The following AK3 variants were observed in gnomAD, a reference collection of about 807,000 sequenced individuals.
AK3 encodes GTP:AMP phosphotransferase AK3, mitochondrial.
Under a neutral mutation model 23.7 loss-of-function variants are expected in AK3, and 27 were observed. The ratio of observed to expected loss-of-function variants is 1.14; its 90% CI spans 0.84 to 1.57. The LOEUF (loss-of-function observed/expected upper bound fraction) is 1.57, where lower values mean the gene tolerates loss of function less well. Ranked by LOEUF, AK3 falls within the 40% of genes most tolerant of loss-of-function variation. AK3 has a pLI of 0.00. For missense variants in AK3, 406 were observed against 285.6 expected (o/e 1.42, Z -3.04); for synonymous variants, 159 against 116.0 (o/e 1.37, Z -2.38).
chr9:4,713,830 C>A (rs905080711), intron 4 of AK3, among the ~76,000 whole-genome samples: 2 of 115,380 alleles, frequency 1.7e-5, no homozygotes, highest in East Asian at 5.1e-4. Flanking sequence ...GCTTTTCAAG[C>A]CACACAGATT....
chr9:4,732,150 C>T (rs10117047), intron 1 of AK3, among the ~76,000 whole-genome samples: 6,228 of 152,136 alleles, frequency 0.041, 419 homozygotes, highest in African/African-American at 0.14. Flanking sequence ...GGGAGTCTTG[C>T]TTTGCCCAAG....
At chr9:4,716,003 G>A (rs1016740900) in intron 4 of AK3, among the ~76,000 whole-genome samples, 6 of 152,128 alleles carry the variant, frequency 3.9e-5, no homozygotes, top group Admixed American at 6.6e-5. Context: ...CTGGTAGGAG[G>A]TAAACTGGAA....
chr9:4,730,662 A>C (rs900046876), intron 1 of AK3, among the ~76,000 whole-genome samples: 4 of 152,208 alleles, frequency 2.6e-5, no homozygotes, highest in African/African-American at 9.6e-5. Flanking sequence ...ATATAGATAG[A>C]TAATCCTATG....
At chr9:4,730,991 A>G (rs139085551) in intron 1 of AK3, among the ~76,000 whole-genome samples, 170 of 152,306 alleles carry the variant, frequency 1.1e-3, no homozygotes, top group African/African-American at 3.9e-3. Flanking sequence ...TACCAGATCT[A>G]CACCTCTTTT....
At chr9:4,730,558 G>A (rs548328979) in intron 1 of AK3, among the ~76,000 whole-genome samples, 6 of 152,252 alleles carry the variant, frequency 3.9e-5, no homozygotes, top group African/African-American at 9.6e-5. Flanking sequence ...AGCCATGACC[G>A]CACTACTGCA....
Position 4,712,820 on chromosome 9 carries a change from G to A in AK3, c.*156C>T. On this transcript the variant is annotated 3_prime_UTR_variant, in exon 5 of 5. Coordinates refer to ENST00000381809, the MANE Select transcript of AK3 (RefSeq NM_016282.4). The stretch of plus-strand genomic sequence containing the variant: ...TGCATCTTAGTATCCGAATCATTTG[G>A]CACATCCTTAGTATCCAAAATAAAA... 3.9e-6 allele frequency: 3 copies of A among 762,096 alleles called. No homozygotes were observed. The highest frequency in any genetic ancestry group is 5.9e-6 in the Non-Finnish European group (3 of 512,670). 47.2% of individuals were successfully genotyped at this position (762,096 alleles called of 1,614,324 possible).
intron 1 of AK3, among the ~76,000 whole-genome samples, chr9:4,723,301 T>C (rs1373434929): frequency 2.0e-5 from 3 of 152,230 alleles, no homozygotes; most frequent in Non-Finnish European, 2.9e-5. Flanking sequence ...ATTATTTTCT[T>C]TAAAAATAAG....
chr9:4,728,856 T>TACACACAC (rs1236773024), intron 1 of AK3, among the ~76,000 whole-genome samples: 5,565 of 59,876 alleles, frequency 0.093, 161 homozygotes, highest in Middle Eastern at 0.17. Flanking sequence ...TATATATATA[T>TACACACAC]ATATATATAT....
intron 1 of AK3, among the ~76,000 whole-genome samples, chr9:4,723,797 G>C (rs902202962): frequency 2.0e-5 from 3 of 152,146 alleles, no homozygotes; most frequent in South Asian, 2.1e-4. Flanking sequence ...GTGTAAATTA[G>C]TCTTGATTTT....
intron 1 of AK3, among the ~76,000 whole-genome samples, chr9:4,724,572 G>A (rs760407401): frequency 2.4e-4 from 36 of 152,056 alleles, no homozygotes; most frequent in Non-Finnish European, 4.0e-4. Context: ...TAAAGCCAAC[G>A]GTTTGAGACC....
chr9:4,732,697 T>G (rs569144677), intron 1 of AK3, among the ~76,000 whole-genome samples: 1 of 152,302 alleles, frequency 6.6e-6, no homozygotes, highest in African/African-American at 2.4e-5. Flanking sequence ...AAATAAATGT[T>G]TATATTACAT....
Position 4,737,698 on chromosome 9 carries a change from G to A in AK3, c.151+3239C>T, listed in dbSNP as rs529843213. 2.4e-4 allele frequency among the ~76,000 whole-genome samples: 36 copies of A among 152,264 alleles called. No homozygotes were observed. In the East Asian group the frequency reaches 4.1e-3, roughly 17 times the overall value. ...CGTGCCACTGCACTCCAGCCTGGGC[G>A]ACAGAGTGGGGACTCTGTCTCAAAA... On this transcript the variant is annotated intron_variant, in intron 1 of 4. Coordinates refer to ENST00000381809, the MANE Select transcript of AK3 (RefSeq NM_016282.4).
chr9:4,740,975 C>A lies in AK3; in HGVS notation c.113G>T (p.Ser38Ile). 6.3e-7 allele frequency: 1 copy of A among 1,587,404 alleles called. No homozygotes were observed. Among genetic ancestry groups the A allele is most frequent in the East Asian group, 2.4e-5 (1 of 41,348 alleles). The part of the protein sequence containing the change: ...TTHFELKHLS[S>I]GDLLRDNMLR... ...CATGTTGTCCCGGAGCAGGTCCCCG[C>A]TGGAGAGGTGCTTCAGCTCGAAGTG... Residue 38 changes from serine (S) to isoleucine (I), a missense_variant, in exon 1 of 5, where the codon AGC (serine) becomes ATC (isoleucine). Coordinates refer to ENST00000381809, the MANE Select transcript of AK3 (RefSeq NM_016282.4).
chr9:4,737,920 A>G (rs886064764), intron 1 of AK3, among the ~76,000 whole-genome samples: 2 of 152,198 alleles, frequency 1.3e-5, no homozygotes, highest in Non-Finnish European at 2.9e-5. Flanking sequence ...GCCATGGGTT[A>G]TAAAATATAG....
intron 1 of AK3, among the ~76,000 whole-genome samples, chr9:4,737,105 T>C (rs751544550): frequency 1.3e-5 from 2 of 152,054 alleles, no homozygotes; most frequent in African/African-American, 4.8e-5. Flanking sequence ...TACTATATAG[T>C]TCTTTACTAT....
At chr9:4,725,650 T>G (rs1328369717) in intron 1 of AK3, among the ~76,000 whole-genome samples, 1 of 152,054 alleles carries the variant, frequency 6.6e-6, no homozygotes, top group Admixed American at 6.5e-5. Context: ...ATGCATAGCA[T>G]GGGATGGAAG....
intron 1 of AK3, among the ~76,000 whole-genome samples, chr9:4,736,441 T>C (rs1434284403): frequency 6.7e-6 from 1 of 148,536 alleles, no homozygotes; most frequent in Non-Finnish European, 1.5e-5. Context: ...TTTTTGGAAT[T>C]GCCTATTACA....
chr9:4,731,775 G>T (rs898160201), intron 1 of AK3, among the ~76,000 whole-genome samples: 3 of 151,992 alleles, frequency 2.0e-5, no homozygotes, highest in African/African-American at 7.2e-5. Context: ...ATTCTAGAGT[G>T]GACCCTTGAA....
chr9:4,719,352 G>A, intron 2 of AK3, 45 bp from the exon 3 acceptor site: 1 of 373,554 alleles, frequency 2.7e-6, no homozygotes, highest in East Asian at 8.6e-5. Flanking sequence ...AAGAAAGGAA[G>A]TATGGGGTGG....
Sources: allele counts gnomAD v4.1 joint callset (sites outside exome capture counted in the v4.1 genomes callset), GRCh38; gene constraint gnomAD v4.1.1; transcripts MANE v1.5; gene names NCBI Gene and HGNC (gene_info 2026-07-23, HGNC 2026-07-21).